The following SIPA1L1 variants were observed in gnomAD, a reference collection of about 807,000 sequenced individuals.
SIPA1L1 encodes the protein signal induced proliferation associated 1 like 1, also known as signal-induced proliferation-associated 1-like protein 1.
In SIPA1L1, 26 loss-of-function variants were observed where a neutral mutation model predicts 162.7. That is an observed-to-expected ratio of 0.16 (90% CI 0.12 to 0.22). The LOEUF is 0.22. SIPA1L1 is among the 10% of genes least tolerant of loss of function. The pLI is 1.00. For missense variants in SIPA1L1, 1,874 were observed against 2,241.0 expected, an observed-to-expected ratio of 0.84 and a Z score of 3.31; for synonymous variants, 829 against 837.4, an observed-to-expected ratio of 0.99 and a Z score of 0.17.
At position 71,724,984 on chromosome 14, in the gene SIPA1L1, A is replaced by G. The variant is rs967091315; in HGVS notation, c.4614+149A>G. 1.2e-4 allele frequency: 81 copies of G among 695,656 alleles called. No individual in the cohort carries two copies. In the African/African-American group the frequency reaches 1.3e-3, roughly 11 times the overall value. 43.1% of individuals were successfully genotyped at this position (695,656 alleles called of 1,614,324 possible). A position where few individuals can be genotyped will look rare whatever the true frequency, so the allele number is the denominator to read the frequency against. ...CTGCTATCATCCCATTTCCCTGATAACTGGTCCACAGTGTTTGACAGTGCT... is the reference window on the plus strand; with the variant it reads ...CTGCTATCATCCCATTTCCCTGATAGCTGGTCCACAGTGTTTGACAGTGCT... On this transcript the variant is annotated intron_variant, in intron 19 of 23. Transcript: ENST00000381232.
chr14:71,399,967 C>T (rs948326817), intron 2 of SIPA1L1, among the ~76,000 whole-genome samples: 3 of 151,908 alleles, frequency 2.0e-5, no homozygotes, highest in African/African-American at 4.8e-5. Context: ...GTGATCCACC[C>T]GCCTCGGCCT....
intron 10 of SIPA1L1, 121 bp downstream of exon 10, chr14:71,661,588 T>A: frequency 9.5e-7 from 1 of 1,049,038 alleles, no homozygotes. Context: ...TTTTTGTCTT[T>A]AAACCATGCA....
intron 2 of SIPA1L1, among the ~76,000 whole-genome samples, chr14:71,464,283 A>G (rs2046819207): frequency 6.6e-6 from 1 of 152,148 alleles, no homozygotes; most frequent in Non-Finnish European, 1.5e-5. Context: ...CTTTTAATCC[A>G]TATTTCAGGT....
At chr14:71,453,065 T>G (rs1272292447) in intron 2 of SIPA1L1, among the ~76,000 whole-genome samples, 1 of 152,242 alleles carries the variant, frequency 6.6e-6, no homozygotes. Context: ...AGTGAATTTT[T>G]GAAATTGTGA....
intron 20 of SIPA1L1, among the ~76,000 whole-genome samples, chr14:71,730,984 C>T (rs1379924196): frequency 6.6e-6 from 1 of 152,172 alleles, no homozygotes; most frequent in Non-Finnish European, 1.5e-5. Flanking sequence ...CTACACCTCC[C>T]CTCATAGCTG....
At chr14:71,667,429 C>T (rs544299540) in intron 10 of SIPA1L1, among the ~76,000 whole-genome samples, 3 of 152,250 alleles carry the variant, frequency 2.0e-5, no homozygotes, top group South Asian at 4.2e-4. Flanking sequence ...GGGCTGAGCC[C>T]GGGACATCTT....
intron 12 of SIPA1L1, among the ~76,000 whole-genome samples, chr14:71,678,559 AT>A (rs1434252782): frequency 1.3e-5 from 2 of 151,954 alleles, no homozygotes; most frequent in Non-Finnish European, 2.9e-5. Context: ...TTTATTGAGG[AT>A]TTTTGCACTG....
intron 13 of SIPA1L1, among the ~76,000 whole-genome samples, chr14:71,693,566 C>A (rs193049310): frequency 6.6e-6 from 1 of 152,194 alleles, no homozygotes; most frequent in East Asian, 1.9e-4. Flanking sequence ...GGTTAGAAAG[C>A]CAGCAGTAAC....
At chr14:71,606,963 A>C (rs1382483826) in intron 5 of SIPA1L1, among the ~76,000 whole-genome samples, 2 of 152,034 alleles carry the variant, frequency 1.3e-5, no homozygotes, top group Non-Finnish European at 2.9e-5. Flanking sequence ...ATATACAGTC[A>C]TATACATGCA....
At chr14:71,386,872 G>A (rs1007458505) in intron 2 of SIPA1L1, among the ~76,000 whole-genome samples, 8 of 152,092 alleles carry the variant, frequency 5.3e-5, no homozygotes, top group African/African-American at 1.9e-4. Context: ...CTTTCTTCTC[G>A]TTACTGTGAA....
At chr14:71,491,043 C>T (rs2049203893) in intron 2 of SIPA1L1, among the ~76,000 whole-genome samples, 2 of 152,058 alleles carry the variant, frequency 1.3e-5, no homozygotes, top group Admixed American at 6.5e-5. Context: ...TAAGTAGTTA[C>T]CCTTTTTAAT....
chr14:71,735,812 C>T (rs952727228), intron 22 of SIPA1L1, among the ~76,000 whole-genome samples: 4 of 152,086 alleles, frequency 2.6e-5, no homozygotes, highest in Admixed American at 6.5e-5. Context: ...TGCTGCTTCA[C>T]GTCTGTGTGT....
chr14:71,622,803 G>A (rs1027927814), intron 6 of SIPA1L1, among the ~76,000 whole-genome samples: 9 of 152,030 alleles, frequency 5.9e-5, no homozygotes, highest in African/African-American at 2.2e-4. Context: ...CTACGAACAC[G>A]TCCTGTGCTG....
intron 2 of SIPA1L1, among the ~76,000 whole-genome samples, chr14:71,468,099 G>T (rs2047170913): frequency 6.6e-6 from 1 of 151,198 alleles, no homozygotes; most frequent in Non-Finnish European, 1.5e-5. Flanking sequence ...ATCAGTTGCA[G>T]TTTTTAAAAA....
chr14:71,511,670 T>A (rs926091338), intron 2 of SIPA1L1, among the ~76,000 whole-genome samples: 2 of 151,864 alleles, frequency 1.3e-5, no homozygotes, highest in Admixed American at 1.3e-4. Context: ...CTCTCAGGAG[T>A]GATAAGAGTG....
rs76803765 is a variant in SIPA1L1 at position 71,458,242 on chromosome 14, T to C, written c.-464-54501T>C. Among the ~76,000 whole-genome samples the C allele has an allele frequency of 2.4e-3, 358 of 152,326 alleles. 9 individuals carry two copies. Among genetic ancestry groups the C allele is most frequent in the East Asian group, 0.015 (77 of 5,190 alleles). On this transcript the variant is annotated intron_variant, in intron 2 of 23. Coordinates refer to ENST00000381232, the MANE Select transcript of SIPA1L1 (RefSeq NM_001386936.1). The stretch of plus-strand genomic sequence containing the variant: ...TTGCTTACTTTATTATTGACAGCTC[T>C]TTAAGAGACATATTACTTCAATTTT...
At chr14:71,464,203 C>T (rs1001577345) in intron 2 of SIPA1L1, among the ~76,000 whole-genome samples, 4 of 152,210 alleles carry the variant, frequency 2.6e-5, no homozygotes, top group African/African-American at 9.6e-5. Flanking sequence ...TCTCCTTAAG[C>T]TTTTGGATCC....
chr14:71,607,204 A>G (rs1394476898), intron 5 of SIPA1L1, among the ~76,000 whole-genome samples: 1 of 151,620 alleles, frequency 6.6e-6, no homozygotes, highest in Non-Finnish European at 1.5e-5. Context: ...GAACTTCACT[A>G]TGAACAATGG....
intron 2 of SIPA1L1, among the ~76,000 whole-genome samples, chr14:71,421,861 T>C (rs879425398): frequency 2.8e-4 from 43 of 152,064 alleles, no homozygotes; most frequent in African/African-American, 4.8e-4. Flanking sequence ...GGGCTGAAAG[T>C]AGAGGGAGGT....
Sources: allele counts gnomAD v4.1 joint callset (sites outside exome capture counted in the v4.1 genomes callset), GRCh38; gene constraint gnomAD v4.1.1; transcripts MANE v1.5; gene names NCBI Gene and HGNC (gene_info 2026-07-23, HGNC 2026-07-21).